PTPN13: variants seen among roughly 807,000 people sequenced by gnomAD.
PTPN13 encodes tyrosine-protein phosphatase non-receptor type 13.
In PTPN13, 191 loss-of-function variants were observed where a neutral mutation model predicts 284.0. The ratio of observed to expected loss-of-function variants is 0.67; its 90% CI spans 0.60 to 0.76. PTPN13 has a LOEUF of 0.76. Ranked by LOEUF, PTPN13 falls within the 30% of genes least tolerant of loss-of-function variation. The pLI is 0.00. For synonymous variants in PTPN13, 986 were observed against 1,022.3 expected (o/e 0.96, Z 0.68); for missense variants, 2,797 against 2,939.9 (o/e 0.95, Z 1.12).
chr4:86,662,033 T>A (rs1384348484), intron 2 of PTPN13, among the ~76,000 whole-genome samples: 1 of 152,262 alleles, frequency 6.6e-6, no homozygotes, highest in African/African-American at 2.4e-5. Context: ...ATAAAAGTCC[T>A]TTACTGTAAA....
At chr4:86,799,317 CTT>C (rs11358237) in intron 42 of PTPN13, 113 bp downstream of exon 42, 12,870 of 365,458 alleles carry the variant, frequency 0.035, no homozygotes, top group East Asian at 0.047. Context: ...ACATTATTTG[CTT>C]TTTTTTTTTT....
chr4:86,669,358 C>T (rs1461807988), intron 2 of PTPN13, among the ~76,000 whole-genome samples: 1 of 139,334 alleles, frequency 7.2e-6, no homozygotes, highest in African/African-American at 2.7e-5. Flanking sequence ...TCAATAAAAG[C>T]AAACAACATA....
chr4:86,813,308 C>T (rs1278906130), intron 47 of PTPN13, among the ~76,000 whole-genome samples: 1 of 152,130 alleles, frequency 6.6e-6, no homozygotes, highest in Non-Finnish European at 1.5e-5. Flanking sequence ...TTTGCAGACT[C>T]AATTCCTTGC....
At chr4:86,711,020 C>T (rs1316516421) in intron 7 of PTPN13, among the ~76,000 whole-genome samples, 1 of 150,920 alleles carries the variant, frequency 6.6e-6, no homozygotes, top group African/African-American at 2.4e-5. Context: ...GCCTCCTGGG[C>T]TCAAGCAATT....
chr4:86,692,352 A>G (rs1301070731), intron 5 of PTPN13, among the ~76,000 whole-genome samples: 1 of 152,192 alleles, frequency 6.6e-6, no homozygotes, highest in Non-Finnish European at 1.5e-5. Context: ...TCCATTTACA[A>G]GTCTTCTTAT....
intron 16 of PTPN13, among the ~76,000 whole-genome samples, 189 bp downstream of exon 16, chr4:86,742,005 G>C (rs1736222642): frequency 6.6e-6 from 1 of 152,074 alleles, no homozygotes; most frequent in Non-Finnish European, 1.5e-5. Flanking sequence ...TTTTTCAACA[G>C]GTGACTTTTA....
chr4:86,770,976 T>G (rs17420966), intron 30 of PTPN13, among the ~76,000 whole-genome samples, 195 bp from the exon 31 acceptor site: 20,109 of 152,200 alleles, frequency 0.13, 1,694 homozygotes, highest in East Asian at 0.29. Context: ...CTACTGTAGT[T>G]CTAACTTAAG....
Position 86,811,064 on chromosome 4 carries a change from G to A in PTPN13, c.7318G>A (p.Val2440Met). 6.2e-7 allele frequency: 1 copy of A among 1,613,462 alleles called. No individual in the cohort carries two copies. Among genetic ancestry groups the A allele is most frequent in the East Asian group, 2.2e-5 (1 of 44,864 alleles). Reference sequence around the variant, plus strand: ...CTGACAGTTTGACATCTCTGATTTGGTGCGCTGCATGAGACTACAAAGACA... The same window carrying A: ...CTGACAGTTTGACATCTCTGATTTGATGCGCTGCATGAGACTACAAAGACA... ...QDLDFDISDLVRCMRLQRHGM... is the reference protein window; with the variant it reads ...QDLDFDISDLMRCMRLQRHGM... The change falls in exon 47 of 48, where the codon GTG becomes ATG. Residue 2440 changes from valine to methionine, a missense_variant. Transcript: ENST00000411767.
intron 7 of PTPN13, among the ~76,000 whole-genome samples, chr4:86,714,685 G>A (rs1239880022): frequency 6.6e-6 from 1 of 152,088 alleles, no homozygotes; most frequent in African/African-American, 2.4e-5. Context: ...TTCATGCAAT[G>A]AAAATAGTTG....
rs1316327264 is a variant in PTPN13 at position 86,741,819 on chromosome 4, A to G, written c.2487+3A>G. 6.3e-7 allele frequency: 1 copy of G among 1,579,832 alleles called. No homozygotes were observed. Among genetic ancestry groups the G allele is most frequent in the Admixed American group, 1.8e-5 (1 of 54,436 alleles). ...AAACCAAGAAAATATCTTTTTCTGT[A>G]TGTCCATTTAACCTCTTTTCATTAT... On this transcript the variant is annotated splice_donor_region_variant and intron_variant, in intron 16 of 47. Coordinates refer to ENST00000411767, the MANE Select transcript of PTPN13 (RefSeq NM_080683.3).
At chr4:86,755,455 C>A (rs1003922105) in intron 20 of PTPN13, among the ~76,000 whole-genome samples, 7 of 151,456 alleles carry the variant, frequency 4.6e-5, no homozygotes, top group African/African-American at 1.7e-4. Flanking sequence ...TTTAATGTTT[C>A]TTGTTTTACT....
At chr4:86,717,443 C>A (rs913995868) in intron 9 of PTPN13, among the ~76,000 whole-genome samples, 1 of 152,112 alleles carries the variant, frequency 6.6e-6, no homozygotes, top group African/African-American at 2.4e-5. Flanking sequence ...CCCGCCTCAG[C>A]CTCCCAAAGT....
chr4:86,782,252 C>G lies in PTPN13; in HGVS notation c.6014C>G (p.Ser2005Ter). Reference sequence around the variant, plus strand: ...CAGCCTGCCCTCACTCCTAATGATTCATTCTCCACGGTAAGAAAAAGCCCA... The same window carrying G: ...CAGCCTGCCCTCACTCCTAATGATTGATTCTCCACGGTAAGAAAAAGCCCA... The part of the protein sequence containing the change: ...CSQPALTPND[S>*]FSTVAGEEIN... Residue 2005 changes from serine (S) to a stop codon, truncating the protein, a stop_gained, in exon 37 of 48, where the codon TCA (serine) becomes TGA (stop). Coordinates refer to ENST00000411767, the MANE Select transcript of PTPN13 (RefSeq NM_080683.3). LOFTEE classifies it high-confidence loss of function. The G allele has an allele frequency of 1.2e-6, 2 of 1,605,850 alleles. No individual in the cohort carries two copies. Among genetic ancestry groups the G allele is most frequent in the South Asian group, 1.1e-5 (1 of 90,896 alleles).
At chr4:86,734,203 G>A (rs1230800075) in intron 12 of PTPN13, 100 bp from the exon 13 acceptor site, 5 of 923,858 alleles carry the variant, frequency 5.4e-6, no homozygotes, top group Non-Finnish European at 7.8e-6. Flanking sequence ...ATTCTCATAT[G>A]ATACTCTTTT....
In PTPN13 at chr4:86,750,568, C is replaced by G. The variant is rs1228964490; in HGVS notation, c.2749C>G (p.Leu917Val). 1.2e-6 allele frequency: 2 copies of G among 1,613,814 alleles called. No homozygotes were observed. The highest frequency in any genetic ancestry group is 2.7e-5 in the African/African-American group (2 of 74,902). ...ISTGSLASSTLNKLAVRPLSV... is the reference protein window; with the variant it reads ...ISTGSLASSTVNKLAVRPLSV... ...CACTGGCAGTCTGGCCAGCAGCACC[C>G]TCAACAAACTTGCTGTTCGACCTTT... Residue 917 changes from leucine (L) to valine (V), a missense_variant, in exon 18 of 48, where the codon CTC (leucine) becomes GTC (valine). Physicochemically the swap from Leu to Val is conservative, Grantham distance 32 (BLOSUM62 1). Coordinates refer to ENST00000411767, the MANE Select transcript of PTPN13 (RefSeq NM_080683.3).
chr4:86,807,993 A>T, intron 45 of PTPN13, 96 bp downstream of exon 45: 1 of 1,108,168 alleles, frequency 9.0e-7, no homozygotes, highest in Non-Finnish European at 1.3e-6. Flanking sequence ...TTATTTCTAG[A>T]TAAAAGACAG....
chr4:86,670,956 G>A (rs759978008), intron 2 of PTPN13, among the ~76,000 whole-genome samples: 9 of 152,200 alleles, frequency 5.9e-5, no homozygotes, highest in Non-Finnish European at 7.3e-5. Flanking sequence ...TGTGAGCCAA[G>A]TTTCAGAAGT....
At position 86,771,186 on chromosome 4, in the gene PTPN13, C is replaced by T. The variant is rs777756669; in HGVS notation, c.4819C>T (p.Pro1607Ser). The change falls in exon 31 of 48, where the codon CCA becomes TCA. Residue 1607 changes from proline to serine, a missense_variant. Physicochemically the swap from Pro to Ser is moderately conservative, Grantham distance 74. Transcript: ENST00000411767. ...TCCATTACAGACCCCACTTCAGTCTCCAGCACAAGTACTTCCAAACAGCAG... is the reference window on the plus strand; with the variant it reads ...TCCATTACAGACCCCACTTCAGTCTTCAGCACAAGTACTTCCAAACAGCAG... ...DTALLTPLQS[P>S]AQVLPNSSKD... The T allele has an allele frequency of 3.1e-6, 5 of 1,611,070 alleles. No individual in the cohort carries two copies. The highest frequency in any genetic ancestry group is 4.2e-6 in the Non-Finnish European group (5 of 1,178,526).
intron 44 of PTPN13, among the ~76,000 whole-genome samples, chr4:86,805,876 C>T (rs1744596364): frequency 6.6e-6 from 1 of 152,080 alleles, no homozygotes; most frequent in South Asian, 2.1e-4. Flanking sequence ...ATCATTTTGG[C>T]CCGGTGCAGT....
Sources: allele counts gnomAD v4.1 joint callset (sites outside exome capture counted in the v4.1 genomes callset), GRCh38; gene constraint gnomAD v4.1.1; transcripts MANE v1.5; gene names NCBI Gene and HGNC (gene_info 2026-07-23, HGNC 2026-07-21).